HIVEP1: variants seen among roughly 807,000 people sequenced by gnomAD.
HIVEP1 encodes zinc finger protein 40.
HIVEP1 carries 36 observed loss-of-function variants against 180.0 expected under a neutral mutation model. The ratio of observed to expected loss-of-function variants is 0.20; its 90% CI spans 0.15 to 0.26. The LOEUF is 0.26. Ranked by LOEUF, HIVEP1 falls within the 10% of genes least tolerant of loss-of-function variation. The pLI is 1.00. For missense variants in HIVEP1, 3,143 were observed against 3,268.7 expected (o/e 0.96, Z 0.94); for synonymous variants, 1,239 against 1,239.0 (o/e 1.00, Z 0.00).
At chr6:12,118,503 G>T (rs569637909) in intron 3 of HIVEP1, among the ~76,000 whole-genome samples, 1 of 152,286 alleles carries the variant, frequency 6.6e-6, no homozygotes, top group East Asian at 1.9e-4. Context: ...TTGATAGATT[G>T]TGGGCACTGT....
Position 12,063,759 on chromosome 6 carries a change from T to C in HIVEP1, c.41-25425T>C, listed in dbSNP as rs1771387028. Among the ~76,000 whole-genome samples, 3 of 152,140 alleles carry C rather than the reference T, an allele frequency of 2.0e-5. No homozygotes were observed. Among genetic ancestry groups the C allele is most frequent in the Non-Finnish European group, 4.4e-5 (3 of 68,026 alleles). On this transcript the variant is annotated intron_variant, in intron 2 of 8. Transcript: ENST00000379388. This position sits in a 1 kb window ranked among gnomAD's most constrained non-coding sequence, Gnocchi z 4.2. ...TTTGAGAGGTGGTCACTGGGCAGTC[T>C]GCAAGACTGACTCTCCAACCAAGTG... is the stretch of plus-strand genomic sequence containing the variant.
intron 2 of HIVEP1, among the ~76,000 whole-genome samples, chr6:12,032,608 C>T (rs1027571450): frequency 1.3e-5 from 2 of 152,144 alleles, no homozygotes; most frequent in Non-Finnish European, 1.5e-5. Flanking sequence ...CCTGTTTTCT[C>T]ATCCTAAATT....
At chr6:12,182,493 A>G in the HIVEP1 span, among the ~76,000 whole-genome samples, 1 of 152,208 alleles carries the variant, frequency 6.6e-6, no homozygotes, top group African/African-American at 2.4e-5. Context: ...AGTTCTGATG[A>G]CATGTGAATT....
At chr6:12,030,779 G>C (rs1182997017) in intron 2 of HIVEP1, among the ~76,000 whole-genome samples, 1 of 152,126 alleles carries the variant, frequency 6.6e-6, no homozygotes, top group Non-Finnish European at 1.5e-5. Context: ...GGGGATACTA[G>C]AGATACTTTC....
At chr6:12,204,721 A>C in the HIVEP1 span, among the ~76,000 whole-genome samples, 1 of 152,248 alleles carries the variant, frequency 6.6e-6, no homozygotes, top group African/African-American at 2.4e-5. Context: ...CTGGAATTAC[A>C]GCAGTGAATA....
Position 12,125,109 on chromosome 6 carries a change from G to T in HIVEP1, c.5314G>T (p.Val1772Phe). The part of the protein sequence containing the change: ...QKRAKDENGA[V>F]CATDVRPLEA... The stretch of plus-strand genomic sequence containing the variant: ...GCGGGCCAAAGATGAAAATGGAGCT[G>T]TTTGTGCAACAGACGTGAGACCTTT... The change falls in exon 4 of 9, where the codon GTT (valine) becomes TTT (phenylalanine). Residue 1772 changes from valine to phenylalanine, a missense_variant. By Grantham distance (50) the Val-to-Phe change is conservative (BLOSUM62 -1). Transcript: ENST00000379388. 6.2e-7 allele frequency: 1 copy of T among 1,613,588 alleles called. No individual in the cohort carries two copies. Among genetic ancestry groups the T allele is most frequent in the Non-Finnish European group, 8.5e-7 (1 of 1,179,836 alleles).
the HIVEP1 span, among the ~76,000 whole-genome samples, chr6:12,205,526 A>G: frequency 6.6e-6 from 1 of 151,972 alleles, no homozygotes; most frequent in African/African-American, 2.4e-5. Context: ...TGCACGGTAC[A>G]GTGGTTAAGT....
At chr6:12,131,007 A>C in intron 6 of HIVEP1, 65 bp downstream of exon 6, 1 of 1,189,574 alleles carries the variant, frequency 8.4e-7, no homozygotes, top group Non-Finnish European at 1.2e-6. Flanking sequence ...CTAAAACCCA[A>C]CTGTGCGTTT....
At chr6:12,203,514 C>T in the HIVEP1 span, among the ~76,000 whole-genome samples, 1 of 152,158 alleles carries the variant, frequency 6.6e-6, no homozygotes, top group Non-Finnish European at 1.5e-5. Flanking sequence ...CCTCTGCCAG[C>T]CTTTCCATGT....
intron 2 of HIVEP1, among the ~76,000 whole-genome samples, chr6:12,060,331 C>T (rs568084184): frequency 1.3e-5 from 2 of 152,272 alleles, no homozygotes; most frequent in South Asian, 4.1e-4. Context: ...AAATATATAT[C>T]TGGGAAATAA....
intron 3 of HIVEP1, among the ~76,000 whole-genome samples, chr6:12,108,742 C>G (rs956719480): frequency 6.6e-6 from 1 of 152,192 alleles, no homozygotes; most frequent in African/African-American, 2.4e-5. Context: ...AAGCGCCGCG[C>G]GCACCCCCGG....
Position 12,125,634 on chromosome 6 carries a change from C to T in HIVEP1, c.5839C>T (p.Leu1947Phe), listed in dbSNP as rs761509883. ...KTTTNFTWCY[L>F]LRQKSLHLPQ... ...TACAACCAACTTTACATGGTGTTAT[C>T]TCTTAAGGCAGAAGTCGTTGCATTT... is the stretch of plus-strand genomic sequence containing the variant. The change falls in exon 4 of 9, where the codon CTC becomes TTC. Residue 1947 changes from leucine (L) to phenylalanine (F), a missense_variant. By Grantham distance (22) the Leu-to-Phe change is conservative. Transcript: ENST00000379388. The T allele has an allele frequency of 6.2e-7, 1 of 1,614,176 alleles. No individual in the cohort carries two copies. The highest frequency in any genetic ancestry group is 2.2e-5 in the East Asian group (1 of 44,874).
At chr6:12,043,693 A>T (rs1394603864) in intron 2 of HIVEP1, among the ~76,000 whole-genome samples, 3 of 152,102 alleles carry the variant, frequency 2.0e-5, no homozygotes, top group Non-Finnish European at 4.4e-5. Context: ...AAGAAGGTTC[A>T]TGATTTTCCT....
intron 2 of HIVEP1, among the ~76,000 whole-genome samples, chr6:12,084,797 G>A (rs72826076): frequency 0.065 from 9,898 of 152,026 alleles, 394 homozygotes; most frequent in Middle Eastern, 0.14. Context: ...GAGGACGTAC[G>A]GGTGCTAGCG....
rs1307784332 is a variant in HIVEP1 at position 12,163,937 on chromosome 6, C to T, written c.7633C>T (p.Gln2545Ter). 1 of 1,614,026 alleles carries T rather than the reference C, an allele frequency of 6.2e-7. No individual in the cohort carries two copies. Among genetic ancestry groups the T allele is most frequent in the Non-Finnish European group, 8.5e-7 (1 of 1,180,030 alleles). ...CCCTCAGGCACACATTCCAGGTCTCCAGATCTTGAACATAGCATTGCCCAC... is the reference window on the plus strand; with the variant it reads ...CCCTCAGGCACACATTCCAGGTCTCTAGATCTTGAACATAGCATTGCCCAC... ...PAPQAHIPGL[Q>*]ILNIALPTLI... Residue 2545 changes from glutamine (Q) to a stop codon, truncating the protein, a stop_gained, in exon 9 of 9, where the codon CAG (glutamine) becomes TAG (stop). Coordinates refer to ENST00000379388, the MANE Select transcript of HIVEP1 (RefSeq NM_002114.4). LOFTEE classifies it low-confidence loss of function (END_TRUNC).
rs139821525 is a variant in HIVEP1, at chr6:12,044,431, C to T, written c.40+28763C>T. ...GGGTACCTTGGGAAGCTTTCCTTTC[C>T]CCACCCCTCACCATCCTATCGCCCT... On this transcript the variant is annotated intron_variant, in intron 2 of 8. Transcript: ENST00000379388. Among the ~76,000 whole-genome samples, 76 of 152,238 alleles carry T rather than the reference C, an allele frequency of 5.0e-4. 1 individual carries two copies. In the East Asian group the frequency reaches 0.014, roughly 28 times the overall value.
chr6:12,011,636 C>CGGGCG (rs2113541187), upstream of HIVEP1, among the ~76,000 whole-genome samples: 1 of 148,890 alleles, frequency 6.7e-6, no homozygotes, highest in Non-Finnish European at 1.5e-5. Context: ...GCGGCTCGGC[C>CGGGCG]GGGCGGGGCG....
intron 2 of HIVEP1, among the ~76,000 whole-genome samples, chr6:12,036,898 C>A (rs192613085): frequency 6.6e-6 from 1 of 152,344 alleles, no homozygotes; most frequent in East Asian, 1.9e-4. Flanking sequence ...ACAGAAGATT[C>A]ATCTCAAAAA....
chr6:12,204,052 G>A, the HIVEP1 span, among the ~76,000 whole-genome samples: 1 of 151,856 alleles, frequency 6.6e-6, no homozygotes, highest in African/African-American at 2.4e-5. Context: ...ACTCCAGCCT[G>A]GGCAACAGAG....
Sources: allele counts gnomAD v4.1 joint callset (sites outside exome capture counted in the v4.1 genomes callset), GRCh38; gene constraint gnomAD v4.1.1; non-coding constraint Gnocchi (gnomAD v3.1); transcripts MANE v1.5; gene names NCBI Gene and HGNC (gene_info 2026-07-23, HGNC 2026-07-21).